The following UPP1 variants were observed in gnomAD, a reference collection of about 807,000 sequenced individuals.
UPP1 encodes the protein UPase 1.
UPP1 carries 25 observed loss-of-function variants against 29.6 expected under a neutral mutation model. That is an observed-to-expected ratio of 0.85 (90% CI 0.62 to 1.18). UPP1 has a LOEUF of 1.18. UPP1 is among the 50% of genes most tolerant of loss of function. The pLI is 0.00. For missense variants in UPP1, 368 were observed against 410.4 expected (o/e 0.90, Z 0.89); for synonymous variants, 165 against 159.8 (o/e 1.03, Z -0.25).
Position 48,108,501 on chromosome 7 carries a change from A to G in UPP1, c.*144A>G. The G allele has an allele frequency of 1.1e-6, 1 of 951,070 alleles. No homozygotes were observed. Among genetic ancestry groups the G allele is most frequent in the South Asian group, 2.3e-5 (1 of 43,398 alleles). 58.9% of individuals were successfully genotyped at this position (951,070 alleles called of 1,614,324 possible). ...GCGATTAAGAGACAGAGAATCTTGG[A>G]TTAACCGCATGGGAGATGTTCTTCC... On this transcript the variant is annotated 3_prime_UTR_variant, in exon 9 of 9. Coordinates refer to ENST00000395564, the MANE Select transcript of UPP1 (RefSeq NM_003364.4).
At chr7:48,092,175 CAG>C (rs1382889693) in intron 2 of UPP1, among the ~76,000 whole-genome samples, 1 of 152,060 alleles carries the variant, frequency 6.6e-6, no homozygotes, top group African/African-American at 2.4e-5. Flanking sequence ...CTGGAGGGGG[CAG>C]AGTTTTAGGG....
intron 6 of UPP1, chr7:48,105,459 G>T (rs913000204): frequency 2.6e-5 from 4 of 152,340 alleles, no homozygotes; most frequent in Admixed American, 2.0e-4. Flanking sequence ...GGGAGCTCTG[G>T]AAAAGATCTG....
rs116051904 is a variant in UPP1, at chr7:48,106,883, C to T, written c.447C>T (p.Pro149=). 1,014 of 1,613,670 alleles carry T rather than the reference C, an allele frequency of 6.3e-4. 4 individuals carry two copies. In the African/African-American group the frequency reaches 0.012, roughly 19 times the overall value. ...IGTSGGIGLE[P]GTVVITEQAV... The stretch of plus-strand genomic sequence containing the variant: ...TGCTTTTTTCCTCAGGTCTGGAGCC[C>T]GGCACTGTGGTCATAACAGAGCAGG... Residue 149 remains proline, a synonymous_variant, in exon 7 of 9, where the codon CCC becomes CCT. Transcript: ENST00000395564.
intron 6 of UPP1, 62 bp downstream of exon 6, chr7:48,103,473 C>T (rs1184043264): frequency 2.2e-6 from 3 of 1,394,052 alleles, no homozygotes; most frequent in Middle Eastern, 1.9e-4. Context: ...CATGCCAAGG[C>T]AGCTTCTACA....
In UPP1 at chr7:48,099,314, C is replaced by A. The variant is rs547343124; in HGVS notation, c.45-356C>A. 5.3e-5 allele frequency among the ~76,000 whole-genome samples: 8 copies of A among 152,258 alleles called. No homozygotes were observed. The East Asian group carries it at 1.5e-3, about 29-fold the overall frequency. ...AAACATAGTAGTTTTAAAATAAATT[C>A]AAGTTTATACATCGAATGAACTTGA... is the stretch of plus-strand genomic sequence containing the variant. On this transcript the variant is annotated intron_variant, in intron 3 of 8. Transcript: ENST00000395564.
In UPP1 at chr7:48,094,765, T is replaced by G; in HGVS notation, c.-19T>G. On this transcript the variant is annotated splice_region_variant and 5_prime_UTR_variant, in exon 3 of 9. Coordinates refer to ENST00000395564, the MANE Select transcript of UPP1 (RefSeq NM_003364.4). The stretch of plus-strand genomic sequence containing the variant: ...ATTCTGTGATTTTTTTTCCTTAGGG[T>G]CCTGCCTCAGTTGGCGGAATGGCGG... 6.2e-7 allele frequency: 1 copy of G among 1,614,050 alleles called. No individual in the cohort carries two copies. Among genetic ancestry groups the G allele is most frequent in the Non-Finnish European group, 8.5e-7 (1 of 1,180,006 alleles).
In UPP1 at chr7:48,108,672, C is replaced by T. The variant is rs1282908714; in HGVS notation, c.*315C>T. On this transcript the variant is annotated 3_prime_UTR_variant, in exon 9 of 9. Transcript: ENST00000395564. ...GGTAGTCAGATTTCATGTCACTAAA[C>T]AAGAAATCTGACAATAGTGCCAGGA... is the stretch of plus-strand genomic sequence containing the variant. 9.1e-6 allele frequency: 2 copies of T among 218,704 alleles called. No homozygotes were observed. Among genetic ancestry groups the T allele is most frequent in the Non-Finnish European group, 1.8e-5 (2 of 112,028 alleles). The allele number at this position is 218,704 out of a possible 1,614,324, so 13.5% of individuals were successfully genotyped here.
chr7:48,104,925 C>G (rs907896135), intron 6 of UPP1: 2 of 152,208 alleles, frequency 1.3e-5, no homozygotes, highest in Non-Finnish European at 2.9e-5. Context: ...GAATTTTCCT[C>G]AATTGCTCTG....
intron 3 of UPP1, among the ~76,000 whole-genome samples, chr7:48,096,522 A>ACTTCCC (rs1792139338): frequency 6.6e-6 from 1 of 151,890 alleles, no homozygotes; most frequent in Non-Finnish European, 1.5e-5. Context: ...GAGCCCTCCC[A>ACTTCCC]CTTCCCCTTC....
chr7:48,093,829 A>G (rs1004982097), intron 2 of UPP1, among the ~76,000 whole-genome samples: 3 of 152,016 alleles, frequency 2.0e-5, no homozygotes, highest in Admixed American at 6.5e-5. Context: ...CTTTGACCCA[A>G]TTCTTCCTGG....
intron 2 of UPP1, among the ~76,000 whole-genome samples, chr7:48,093,726 C>T (rs987222135): frequency 4.6e-5 from 7 of 152,130 alleles, no homozygotes; most frequent in Non-Finnish European, 7.3e-5. Context: ...GAGACGGGGC[C>T]GTGGGCTGAC....
intron 5 of UPP1, 149 bp from the exon 6 acceptor site, chr7:48,103,148 A>G: frequency 1.7e-6 from 1 of 602,406 alleles, no homozygotes; most frequent in Admixed American, 2.7e-5. Flanking sequence ...CCAAAGTGTT[A>G]CTAGTTCTTA....
chr7:48,107,399 G>C lies in UPP1; in HGVS notation c.685G>C (p.Glu229Gln), dbSNP rs756471067. Reference sequence around the variant, plus strand: ...GGATGGGGCTCTCTGCTCCTACACGGAGAAGGACAAGCAGGCGTATCTGGA... The same window carrying C: ...GGATGGGGCTCTCTGCTCCTACACGCAGAAGGACAAGCAGGCGTATCTGGA... ...RLDGALCSYT[E>Q]KDKQAYLEAA... Residue 229 changes from glutamate to glutamine, a missense_variant, in exon 8 of 9, where the codon GAG becomes CAG. Transcript: ENST00000395564. 4 of 1,614,110 alleles carry C rather than the reference G, an allele frequency of 2.5e-6. No homozygotes were observed. The highest frequency in any genetic ancestry group is 3.4e-6 in the Non-Finnish European group (4 of 1,179,986).
chr7:48,104,571 A>AT, intron 6 of UPP1: 1 of 152,354 alleles, frequency 6.6e-6, no homozygotes, highest in Admixed American at 6.5e-5. Flanking sequence ...CAATTCTAGA[A>AT]TTTAAGTGTC....
At chr7:48,100,681 C>T (rs1241161767) in intron 4 of UPP1, among the ~76,000 whole-genome samples, 1 of 152,120 alleles carries the variant, frequency 6.6e-6, no homozygotes, top group Admixed American at 6.5e-5. Flanking sequence ...CGCTAGAATC[C>T]AGTGCTGCTA....
chr7:48,107,395 C>T lies in UPP1; in HGVS notation c.681C>T (p.Tyr227=), dbSNP rs1200301114. ...GTCTGGATGGGGCTCTCTGCTCCTA[C>T]ACGGAGAAGGACAAGCAGGCGTATC... ...QGRLDGALCS[Y]TEKDKQAYLE... is the part of the protein sequence containing the mutation. Residue 227 remains tyrosine (Y), a synonymous_variant, in exon 8 of 9, where the codon TAC becomes TAT. Coordinates refer to ENST00000395564, the MANE Select transcript of UPP1 (RefSeq NM_003364.4). 1 of 1,614,094 alleles carries T rather than the reference C, an allele frequency of 6.2e-7. No individual in the cohort carries two copies.
chr7:48,104,043 C>A lies in UPP1; in HGVS notation c.436+632C>A, dbSNP rs1326619390. 9.9e-6 allele frequency: 5 copies of A among 505,862 alleles called. No homozygotes were observed. The Admixed American group carries it at 1.5e-4, about 15-fold the overall frequency. The allele number at this position is 505,862 out of a possible 1,614,324, so 31.3% of individuals were successfully genotyped here. ...GACCATCCTGGCCAACATGGTGAAA[C>A]CCCGTCTCTACTAAAATACAAAAGA... On this transcript the variant is annotated intron_variant, in intron 6 of 8. Coordinates refer to ENST00000395564, the MANE Select transcript of UPP1 (RefSeq NM_003364.4).
At chr7:48,101,054 C>T (rs1245673213) in intron 4 of UPP1, among the ~76,000 whole-genome samples, 2 of 151,896 alleles carry the variant, frequency 1.3e-5, no homozygotes, top group Non-Finnish European at 2.9e-5. Flanking sequence ...TTGTAGGCAC[C>T]TGCCACCATG....
intron 3 of UPP1, among the ~76,000 whole-genome samples, chr7:48,095,448 G>A (rs1260106989): frequency 1.3e-5 from 2 of 152,038 alleles, no homozygotes; most frequent in Non-Finnish European, 2.9e-5. Context: ...GGGTTGTGGT[G>A]ACCTCTGGCC....
Sources: allele counts gnomAD v4.1 joint callset (sites outside exome capture counted in the v4.1 genomes callset), GRCh38; gene constraint gnomAD v4.1.1; transcripts MANE v1.5; gene names NCBI Gene and HGNC (gene_info 2026-07-23, HGNC 2026-07-21).